Variants in BRAF observed in about 807,000 individuals in gnomAD.
The protein encoded by BRAF is serine/threonine-protein kinase B-raf.
In BRAF, 16 loss-of-function variants were observed where a neutral mutation model predicts 104.6. The observed-to-expected ratio is 0.15, with a 90% CI of 0.10 to 0.23. The LOEUF (loss-of-function observed/expected upper bound fraction) is 0.23, where lower values mean the gene tolerates loss of function less well. BRAF is among the 10% of genes least tolerant of loss of function. The pLI is 1.00. For synonymous variants in BRAF, 310 were observed against 341.6 expected (o/e 0.91, Z 1.02); for missense variants, 541 against 937.3 (o/e 0.58, Z 5.52).
chr7:140,823,183 C>T (rs1805664238), intron 3 of BRAF, among the ~76,000 whole-genome samples: 1 of 152,140 alleles, frequency 6.6e-6, no homozygotes, highest in African/African-American at 2.4e-5. Flanking sequence ...ATATATCTAA[C>T]ATAAAGCTTA....
chr7:140,725,467 TTAA>T lies in BRAF; in HGVS notation c.*1024_*1026del, dbSNP rs1795547772. 1.1e-6 allele frequency: 1 copy of T among 935,992 alleles called. No individual in the cohort carries two copies. Among genetic ancestry groups the T allele is most frequent in the African/African-American group, 1.7e-5 (1 of 57,374 alleles). The allele number at this position is 935,992 out of a possible 1,614,324, so 58.0% of individuals were successfully genotyped here. A position where few individuals can be genotyped will look rare whatever the true frequency, so the allele number is the denominator to read the frequency against. On this transcript the variant is annotated 3_prime_UTR_variant, in exon 20 of 20. Transcript: ENST00000644969. ...ATTAAATCTGAAAATTATTTTCTTT[TTAA>T]TAAAAATAGAAAAGAAGAAACTCAG...
At chr7:140,827,442 C>T (rs754452914) in intron 3 of BRAF, among the ~76,000 whole-genome samples, 1 of 152,140 alleles carries the variant, frequency 6.6e-6, no homozygotes, top group Non-Finnish European at 1.5e-5. Context: ...AAATTTGAAT[C>T]CCACACAATG....
chr7:140,786,601 T>G lies in BRAF; in HGVS notation c.1178-793A>C, dbSNP rs575917566. On this transcript the variant is annotated intron_variant, in intron 9 of 19. Coordinates refer to ENST00000644969, the MANE Select transcript of BRAF (RefSeq NM_001374258.1). The stretch of plus-strand genomic sequence containing the variant: ...AGTGAATACTAGATGAAAATTCAGT[T>G]GGAAATCTCAATTCAGTTTCTCATT... Among the ~76,000 whole-genome samples the G allele has an allele frequency of 3.3e-5, 5 of 152,326 alleles. 1 individual carries two copies. In the South Asian group the frequency reaches 1.0e-3, roughly 32 times the overall value.
intron 1 of BRAF, among the ~76,000 whole-genome samples, chr7:140,894,539 T>C (rs1437347332): frequency 6.6e-6 from 1 of 152,156 alleles, no homozygotes; most frequent in East Asian, 1.9e-4. Context: ...CTGATTTTCT[T>C]ACCTTTATTA....
rs376389623 is a variant in BRAF, at chr7:140,739,309, A to G, written c.2247+503T>C. On this transcript the variant is annotated intron_variant, in intron 18 of 19. Coordinates refer to ENST00000644969, the MANE Select transcript of BRAF (RefSeq NM_001374258.1). ...TATTGCAATGTGAGTGCAAAAGCGG[A>G]GAATCCAGCTGTCTTCTTTTTGCAA... Among the ~76,000 whole-genome samples the G allele has an allele frequency of 6.6e-5, 10 of 152,340 alleles. 1 individual carries two copies. The South Asian group carries it at 8.3e-4, about 13-fold the overall frequency.
intron 14 of BRAF, among the ~76,000 whole-genome samples, chr7:140,772,945 A>G (rs1179228811): frequency 6.6e-6 from 1 of 152,186 alleles, no homozygotes; most frequent in Non-Finnish European, 1.5e-5. Context: ...AGTTACATTT[A>G]AATAATTGCA....
chr7:140,850,331 G>T, intron 1 of BRAF, 119 bp from the exon 2 acceptor site: 1 of 771,530 alleles, frequency 1.3e-6, no homozygotes, highest in Non-Finnish European at 2.1e-6. Context: ...TGAGCTTAGA[G>T]ATCATTTAGT....
At chr7:140,799,584 C>T in intron 7 of BRAF, 1 of 232,326 alleles carries the variant, frequency 4.3e-6, no homozygotes, top group East Asian at 6.1e-5. Flanking sequence ...TGTTGTTTCT[C>T]CATTCCCCTT....
At chr7:140,899,626 A>G (rs1427326838) in intron 1 of BRAF, among the ~76,000 whole-genome samples, 9 of 152,056 alleles carry the variant, frequency 5.9e-5, no homozygotes. Flanking sequence ...ATGTTTATTA[A>G]TCATTTAAAT....
intron 17 of BRAF, chr7:140,741,594 T>C (rs1585966836): frequency 1.3e-5 from 2 of 152,196 alleles, no homozygotes; most frequent in East Asian, 1.9e-4. Context: ...ATGTATCTTA[T>C]CTAAGTTCTC....
rs73502743 is a variant in BRAF, at chr7:140,901,303, T to G, written c.138+23263A>C. 4.5e-3 allele frequency among the ~76,000 whole-genome samples: 686 copies of G among 152,324 alleles called. 5 individuals are homozygous for G. Among genetic ancestry groups the G allele is most frequent in the African/African-American group, 0.016 (664 of 41,570 alleles). Reference sequence around the variant, plus strand: ...GAAGTGTTCTATTCAAAACCCTAGATACCACTACAAGTGGATCTGAATGTG... The same window carrying G: ...GAAGTGTTCTATTCAAAACCCTAGAGACCACTACAAGTGGATCTGAATGTG... On this transcript the variant is annotated intron_variant, in intron 1 of 19. Transcript: ENST00000644969.
chr7:140,778,180 C>A, intron 12 of BRAF, 105 bp from the exon 12 acceptor site: 4 of 961,186 alleles, frequency 4.2e-6, no homozygotes, highest in Non-Finnish European at 6.5e-6. Flanking sequence ...AACTCCATAC[C>A]ATTATTAAAT....
chr7:140,816,531 T>C (rs1288636229), intron 3 of BRAF, among the ~76,000 whole-genome samples: 1 of 152,192 alleles, frequency 6.6e-6, no homozygotes, highest in Non-Finnish European at 1.5e-5. Flanking sequence ...ATAGCATAAC[T>C]AGGGCATGAT....
chr7:140,716,106 GCA>G (rs1795123212), downstream of BRAF, among the ~76,000 whole-genome samples: 2 of 152,154 alleles, frequency 1.3e-5, no homozygotes, highest in Admixed American at 6.5e-5. Flanking sequence ...TTACCATGAT[GCA>G]CACTATTTTC....
chr7:140,885,939 G>A (rs955908886), intron 1 of BRAF, among the ~76,000 whole-genome samples: 1 of 152,180 alleles, frequency 6.6e-6, no homozygotes, highest in African/African-American at 2.4e-5. Context: ...GATACTCACT[G>A]TAATAGTTTG....
chr7:140,800,989 T>C lies in BRAF; in HGVS notation c.860+423A>G, dbSNP rs959657969. 7.3e-5 allele frequency: 15 copies of C among 206,098 alleles called. 1 individual carries two copies. The highest frequency in any genetic ancestry group is 1.1e-4 in the Admixed American group (2 of 18,510). 12.8% of individuals were successfully genotyped at this position (206,098 alleles called of 1,614,324 possible). A position where few individuals can be genotyped will look rare whatever the true frequency, so the allele number is the denominator to read the frequency against. On this transcript the variant is annotated intron_variant, in intron 6 of 19. Coordinates refer to ENST00000644969, the MANE Select transcript of BRAF (RefSeq NM_001374258.1). Reference sequence around the variant, plus strand: ...AATTTTACATCTTACTCAAATAAATTGGGGGAAGGGAGCTGAATGGGGATG... The same window carrying C: ...AATTTTACATCTTACTCAAATAAATCGGGGGAAGGGAGCTGAATGGGGATG...
At chr7:140,747,854 A>G (rs1246157273) in intron 17 of BRAF, among the ~76,000 whole-genome samples, 4 of 152,194 alleles carry the variant, frequency 2.6e-5, no homozygotes, top group Non-Finnish European at 4.4e-5. Flanking sequence ...AGTAAGTACA[A>G]TGTTTCAATT....
At chr7:140,819,928 A>C (rs1264522375) in intron 3 of BRAF, among the ~76,000 whole-genome samples, 1 of 152,188 alleles carries the variant, frequency 6.6e-6, no homozygotes, top group African/African-American at 2.4e-5. Context: ...GAATATACAA[A>C]AATCATTTTA....
At chr7:140,872,050 C>T (rs1050881156) in intron 1 of BRAF, among the ~76,000 whole-genome samples, 7 of 151,954 alleles carry the variant, frequency 4.6e-5, no homozygotes, top group African/African-American at 9.7e-5. Flanking sequence ...ACCCCGTTTC[C>T]ACTAAAAGTA....
Sources: allele counts gnomAD v4.1 joint callset (sites outside exome capture counted in the v4.1 genomes callset), GRCh38; gene constraint gnomAD v4.1.1; transcripts MANE v1.5; gene names NCBI Gene and HGNC (gene_info 2026-07-23, HGNC 2026-07-21).